MAPK8IP3: variants seen among roughly 807,000 people sequenced by gnomAD.
MAPK8IP3 encodes C-Jun-amino-terminal kinase-interacting protein 3.
In MAPK8IP3, 49 loss-of-function variants were observed where a neutral mutation model predicts 157.8. That is an observed-to-expected ratio of 0.31 (90% CI 0.25 to 0.39). The LOEUF (loss-of-function observed/expected upper bound fraction) is 0.39. MAPK8IP3 is among the 10% of genes least tolerant of loss of function. MAPK8IP3 has a pLI of 1.00. For synonymous variants in MAPK8IP3, 897 were observed against 777.7 expected (o/e 1.15, Z -2.55); for missense variants, 1,478 against 1,889.4 (o/e 0.78, Z 4.04).
chr16:1,728,643 C>T (rs56122370), intron 2 of MAPK8IP3, among the ~76,000 whole-genome samples: 66 of 148,012 alleles, frequency 4.5e-4, no homozygotes, highest in Non-Finnish European at 7.3e-4. Flanking sequence ...GCCCCCCAGA[C>T]GGCCTTCACA....
At chr16:1,765,256 A>G in intron 20 of MAPK8IP3, 78 bp downstream of exon 20, 4 of 1,468,582 alleles carry the variant, frequency 2.7e-6, no homozygotes, top group Non-Finnish European at 3.7e-6. Context: ...CCTGCCACAC[A>G]GCAGCTGCCT....
chr16:1,744,354 C>T, intron 5 of MAPK8IP3: 3 of 986,030 alleles, frequency 3.0e-6, no homozygotes, highest in Non-Finnish European at 3.6e-6. Flanking sequence ...TTACTTCCTG[C>T]TGCATGCTTT....
Position 1,766,653 on chromosome 16 carries a change from G to C in MAPK8IP3, c.2939+5G>C, listed in dbSNP as rs747081085. 2.5e-6 allele frequency: 4 copies of C among 1,612,422 alleles called. No individual in the cohort carries two copies. The highest frequency in any genetic ancestry group is 2.2e-5 in the South Asian group (2 of 91,074). On this transcript the variant is annotated splice_donor_5th_base_variant and intron_variant, in intron 23 of 31. Coordinates refer to ENST00000610761, the MANE Select transcript of MAPK8IP3 (RefSeq NM_001318852.2). ...GCTGGGAGCCCAGAACGGCTGGTAG[G>C]AAGGGCCCGGGGCAAGGTGGAGGGA...
intron 9 of MAPK8IP3, 148 bp downstream of exon 9, chr16:1,758,307 C>A: frequency 2.3e-6 from 2 of 867,898 alleles, no homozygotes; most frequent in Non-Finnish European, 3.6e-6. Flanking sequence ...GCAGCCACCG[C>A]CGCTCGGAAG....
intron 1 of MAPK8IP3, among the ~76,000 whole-genome samples, chr16:1,711,266 G>T (rs1052132663): frequency 1.4e-4 from 21 of 152,256 alleles, no homozygotes; most frequent in Non-Finnish European, 2.8e-4. Context: ...AGGGGTCCCT[G>T]TGTCCTTGTT....
rs949226099 is a variant in MAPK8IP3 at position 1,713,316 on chromosome 16, C to T, written c.318+6659C>T. ...CCAGGCTGGTCTCAAACTTCTGGAC[C>T]GAAGCAATCCTCCCATCTCAGCCTC... On this transcript the variant is annotated intron_variant, in intron 1 of 31. Transcript: ENST00000610761. 3.9e-5 allele frequency among the ~76,000 whole-genome samples: 6 copies of T among 152,234 alleles called. No individual in the cohort carries two copies. The East Asian group carries it at 7.7e-4, about 20-fold the overall frequency.
chr16:1,768,224 G>T lies in MAPK8IP3; in HGVS notation c.3588G>T (p.Gly1196=). Residue 1196 remains glycine, a synonymous_variant, in exon 30 of 32, where the codon GGG becomes GGT. Transcript: ENST00000610761. Reference sequence around the variant, plus strand: ...CCAATAAGACATCCCCCACCTCTGGGGAGGGCGCCCGTCCCGGGGGCATCA... The same window carrying T: ...CCAATAAGACATCCCCCACCTCTGGTGAGGGCGCCCGTCCCGGGGGCATCA... ...LRANKTSPTS[G]EGARPGGIIH... 6.2e-7 allele frequency: 1 copy of T among 1,612,508 alleles called. No individual in the cohort carries two copies. The highest frequency in any genetic ancestry group is 1.7e-5 in the Admixed American group (1 of 60,028).
chr16:1,758,173 T>A lies in MAPK8IP3; in HGVS notation c.1228+14T>A. On this transcript the variant is annotated intron_variant, in intron 9 of 31. Coordinates refer to ENST00000610761, the MANE Select transcript of MAPK8IP3 (RefSeq NM_001318852.2). Reference sequence around the variant, plus strand: ...GGGAGTTCTCAGGTGAGTATCTCACTCTCCTGTCTGTCTCCCCTCTGTGTG... The same window carrying A: ...GGGAGTTCTCAGGTGAGTATCTCACACTCCTGTCTGTCTCCCCTCTGTGTG... 6.2e-7 allele frequency: 1 copy of A among 1,613,514 alleles called. No homozygotes were observed. The highest frequency in any genetic ancestry group is 8.5e-7 in the Non-Finnish European group (1 of 1,179,748).
chr16:1,762,536 C>T, intron 14 of MAPK8IP3, 55 bp downstream of exon 14: 1 of 1,601,900 alleles, frequency 6.2e-7, no homozygotes. Context: ...GACGGCAGGA[C>T]TGCGGCTCCC....
At chr16:1,747,309 C>T (rs1170510521) in intron 6 of MAPK8IP3, 34 bp downstream of exon 6, 15 of 1,603,182 alleles carry the variant, frequency 9.4e-6, no homozygotes, top group East Asian at 6.7e-5. Flanking sequence ...TGGGCTCCCT[C>T]GGGCAGGAGG....
chr16:1,759,947 T>C lies in MAPK8IP3; in HGVS notation c.1247-11T>C, dbSNP rs565233631. The C allele has an allele frequency of 5.6e-5, 90 of 1,613,876 alleles. No homozygotes were observed. In the South Asian group the frequency reaches 9.2e-4, roughly 17 times the overall value. On this transcript the variant is annotated splice_polypyrimidine_tract_variant and intron_variant, in intron 10 of 31. Coordinates refer to ENST00000610761, the MANE Select transcript of MAPK8IP3 (RefSeq NM_001318852.2). ...AGGGCACAGGTGAAACCTCCGCACC[T>C]TCTGTTTCAGGAATGGGCAAAGAAG...
intron 1 of MAPK8IP3, among the ~76,000 whole-genome samples, chr16:1,716,840 C>A (rs550273002): frequency 5.3e-5 from 8 of 152,072 alleles, no homozygotes; most frequent in African/African-American, 1.9e-4. Flanking sequence ...AGGCGGATCA[C>A]GAGGTCAAGG....
At chr16:1,740,976 A>T (rs369213396) in intron 4 of MAPK8IP3, among the ~76,000 whole-genome samples, 11 of 152,292 alleles carry the variant, frequency 7.2e-5, no homozygotes, top group African/African-American at 2.4e-4. Flanking sequence ...CTCCACAAGC[A>T]CTGCCTTGGT....
At chr16:1,722,756 G>A (rs997856057) in intron 1 of MAPK8IP3, among the ~76,000 whole-genome samples, 3 of 152,086 alleles carry the variant, frequency 2.0e-5, no homozygotes, top group Admixed American at 2.0e-4. Flanking sequence ...CCAGGCTGGA[G>A]TGCGGTGGCG....
At chr16:1,748,427 C>A in intron 7 of MAPK8IP3, 81 bp downstream of exon 7, 2 of 1,277,246 alleles carry the variant, frequency 1.6e-6, no homozygotes, top group African/African-American at 1.5e-5. Context: ...TCTTCCTCTG[C>A]CACCACTGGG....
intron 1 of MAPK8IP3, among the ~76,000 whole-genome samples, chr16:1,722,783 C>T (rs2038614734): frequency 6.6e-6 from 1 of 151,976 alleles, no homozygotes; most frequent in Non-Finnish European, 1.5e-5. Context: ...TGGCTCACTA[C>T]AAGCTCTGCC....
At chr16:1,759,841 G>C in intron 10 of MAPK8IP3, 117 bp from the exon 11 acceptor site, 1 of 877,372 alleles carries the variant, frequency 1.1e-6, no homozygotes, top group Non-Finnish European at 1.9e-6. Flanking sequence ...TGTAGATCGG[G>C]CGTCATCCCC....
chr16:1,768,661 C>T lies in MAPK8IP3; in HGVS notation c.3892+35C>T, dbSNP rs749706448. On this transcript the variant is annotated intron_variant, in intron 31 of 31. Coordinates refer to ENST00000610761, the MANE Select transcript of MAPK8IP3 (RefSeq NM_001318852.2). ...GCCCAGGGACAGGGCTGAGGTTGGG[C>T]GCGGGGGGAGCCTGGCCGTCACTCT... is the stretch of plus-strand genomic sequence containing the variant. 1.9e-4 allele frequency: 313 copies of T among 1,610,272 alleles called. No individual in the cohort carries two copies. Among genetic ancestry groups the T allele is most frequent in the Non-Finnish European group, 2.4e-4 (278 of 1,178,840 alleles).
chr16:1,743,371 G>A lies in MAPK8IP3; in HGVS notation c.642G>A (p.Leu214=). 1 of 1,576,266 alleles carries A rather than the reference G, an allele frequency of 6.3e-7. No individual in the cohort carries two copies. Among genetic ancestry groups the A allele is most frequent in the Non-Finnish European group, 8.6e-7 (1 of 1,165,014 alleles). The change falls in exon 5 of 32, where the codon CTG becomes CTA. Residue 214 remains leucine (L), a synonymous_variant. Coordinates refer to ENST00000610761, the MANE Select transcript of MAPK8IP3 (RefSeq NM_001318852.2). The surrounding 1 kb of genome is among the most constrained non-coding windows in gnomAD (Gnocchi z 5.6). ...ERPTSLNVFP[L]ADGTVRAQIG... ...CCACCTCCCTGAACGTGTTCCCCCT[G>A]GCTGACGGCACGGTACGTGCACAGA...
Sources: gnomAD v4.1 joint callset for allele counts (sites outside exome capture counted in the v4.1 genomes callset) on GRCh38, gnomAD v4.1.1 for gene constraint, Gnocchi (gnomAD v3.1) non-coding constraint, MANE v1.5 for transcripts, NCBI Gene and HGNC (gene_info 2026-07-23, HGNC 2026-07-21) for gene names.